Variants in C3orf20 observed in about 807,000 individuals in gnomAD.
The protein encoded by C3orf20 is uncharacterized protein C3orf20.
A neutral mutation model predicts 88.3 loss-of-function variants in C3orf20; 76 were observed. The observed-to-expected ratio is 0.86, with a 90% CI of 0.72 to 1.04. C3orf20 has a LOEUF of 1.04. Ranked by LOEUF, C3orf20 falls within the 50% of genes least tolerant of loss-of-function variation. The probability of loss-of-function intolerance (pLI) is 0.00; values close to 1 mark genes in which losing one functional copy is unlikely to be tolerated. For missense variants in C3orf20, 1,056 were observed against 1,123.3 expected, an observed-to-expected ratio of 0.94 and a Z score of 0.86; for synonymous variants, 436 against 437.4, an observed-to-expected ratio of 1.00 and a Z score of 0.04.
At chr3:14,712,362 A>G (rs894811353) in intron 7 of C3orf20, among the ~76,000 whole-genome samples, 9 of 152,152 alleles carry the variant, frequency 5.9e-5, no homozygotes, top group Non-Finnish European at 1.2e-4. Flanking sequence ...AACCCTGTTG[A>G]CACCTTGATC....
intron 13 of C3orf20, among the ~76,000 whole-genome samples, chr3:14,758,400 C>T (rs532675734): frequency 6.6e-6 from 1 of 152,204 alleles, no homozygotes; most frequent in African/African-American, 2.4e-5. Context: ...GGAACCCACT[C>T]CTGCCTACTC....
At chr3:14,762,818 T>C (rs926784542) in intron 15 of C3orf20, among the ~76,000 whole-genome samples, 1 of 152,162 alleles carries the variant, frequency 6.6e-6, no homozygotes, top group African/African-American at 2.4e-5. Context: ...CTAGGAGTCT[T>C]ATGCCCTTCT....
chr3:14,675,449 T>G (rs1194575431), intron 1 of C3orf20, among the ~76,000 whole-genome samples, 197 bp downstream of exon 1: 1 of 152,126 alleles, frequency 6.6e-6, no homozygotes, highest in Non-Finnish European at 1.5e-5. Context: ...TGGGTGTAGG[T>G]CATTGTCTAG....
At chr3:14,692,550 A>C (rs116816315) in intron 5 of C3orf20, among the ~76,000 whole-genome samples, 7,468 of 152,214 alleles carry the variant, frequency 0.049, 221 homozygotes, top group South Asian at 0.14. Context: ...TCTTTTTTTG[A>C]GAAGAATGAG....
rs183896323 is a variant in C3orf20 at position 14,734,179 on chromosome 3, C to T, written c.1940+5491C>T. Among the ~76,000 whole-genome samples the T allele has an allele frequency of 5.3e-5, 8 of 152,132 alleles. No homozygotes were observed. In the East Asian group the frequency reaches 7.7e-4, roughly 15 times the overall value. On this transcript the variant is annotated intron_variant, in intron 12 of 16. Coordinates refer to ENST00000253697, the MANE Select transcript of C3orf20 (RefSeq NM_032137.5). ...TTTTAATTGTGTTGATCTTCTTATA[C>T]GTTTGTCTTATTACTTTATTAACTT...
chr3:14,685,128 A>C (rs893986026), intron 4 of C3orf20, among the ~76,000 whole-genome samples: 3 of 152,268 alleles, frequency 2.0e-5, no homozygotes, highest in African/African-American at 7.2e-5. Flanking sequence ...CCATTTAGAC[A>C]GTGGGACATA....
intron 12 of C3orf20, among the ~76,000 whole-genome samples, chr3:14,730,207 A>G (rs1252421211): frequency 6.6e-6 from 1 of 152,186 alleles, no homozygotes; most frequent in Admixed American, 6.5e-5. Context: ...AGATTTGTGC[A>G]TGTTGTTATG....
chr3:14,760,538 A>G (rs543961231), intron 14 of C3orf20, among the ~76,000 whole-genome samples: 1 of 150,890 alleles, frequency 6.6e-6, no homozygotes, highest in East Asian at 1.9e-4. Context: ...AAATACCATG[A>G]GCATTTCCCC....
chr3:14,720,231 C>T lies in C3orf20; in HGVS notation c.1435-1422C>T, dbSNP rs1230578503. ...ATATTTAGTAGAGACGGGGTTTCAC[C>T]GTATTAGCCAGGATGGTCTCGATCT... On this transcript the variant is annotated intron_variant, in intron 9 of 16. Coordinates refer to ENST00000253697, the MANE Select transcript of C3orf20 (RefSeq NM_032137.5). Among the ~76,000 whole-genome samples the T allele has an allele frequency of 4.6e-5, 7 of 152,054 alleles. No individual in the cohort carries two copies. The East Asian group carries it at 9.6e-4, about 21-fold the overall frequency.
chr3:14,744,133 C>T (rs1458270617), intron 12 of C3orf20, among the ~76,000 whole-genome samples: 1 of 151,974 alleles, frequency 6.6e-6, no homozygotes, highest in African/African-American at 2.4e-5. Context: ...GCTCTGCTTC[C>T]CTTATAAAAC....
chr3:14,728,780 T>C (rs1575132695), intron 12 of C3orf20, 92 bp downstream of exon 12: 8 of 1,301,028 alleles, frequency 6.1e-6, no homozygotes, highest in Non-Finnish European at 7.4e-6. Flanking sequence ...GGCCCCTCTC[T>C]TTTGGAGCTT....
rs750778781 is a variant in C3orf20 at position 14,757,714 on chromosome 3, G to A, written c.2244+40G>A. On this transcript the variant is annotated intron_variant, in intron 13 of 16. Coordinates refer to ENST00000253697, the MANE Select transcript of C3orf20 (RefSeq NM_032137.5). ...AGTGAGGAGGCCCTGGAGGCCAGGGGCAGGGGTAGTGGGGCAGTCCGAGAA... is the reference window on the plus strand; with the variant it reads ...AGTGAGGAGGCCCTGGAGGCCAGGGACAGGGGTAGTGGGGCAGTCCGAGAA... 7.9e-5 allele frequency: 125 copies of A among 1,576,452 alleles called. No individual in the cohort carries two copies. In the Middle Eastern group the frequency reaches 1.0e-3, roughly 13 times the overall value.
chr3:14,710,957 A>C (rs1482346305), intron 7 of C3orf20, among the ~76,000 whole-genome samples: 1 of 150,880 alleles, frequency 6.6e-6, no homozygotes, highest in Non-Finnish European at 1.5e-5. Flanking sequence ...GCAGTGGCGC[A>C]ATCTTGGCTG....
chr3:14,758,093 C>A (rs1364767435), intron 13 of C3orf20, among the ~76,000 whole-genome samples: 1 of 152,174 alleles, frequency 6.6e-6, no homozygotes, highest in Non-Finnish European at 1.5e-5. Context: ...GGACCGGGCC[C>A]TGGGCACCCA....
intron 7 of C3orf20, among the ~76,000 whole-genome samples, chr3:14,705,295 T>C (rs1476244844): frequency 6.6e-6 from 1 of 152,274 alleles, no homozygotes; most frequent in African/African-American, 2.4e-5. Context: ...TTACCTGTGA[T>C]TGCAGGGCAT....
At chr3:14,740,508 T>A (rs184495814) in intron 12 of C3orf20, among the ~76,000 whole-genome samples, 1 of 152,296 alleles carries the variant, frequency 6.6e-6, no homozygotes, top group Admixed American at 6.5e-5. Flanking sequence ...TTACCAAATG[T>A]GACACAGAGA....
At chr3:14,719,762 C>T (rs1039696683) in intron 9 of C3orf20, among the ~76,000 whole-genome samples, 2 of 152,200 alleles carry the variant, frequency 1.3e-5, no homozygotes, top group Admixed American at 6.5e-5. Context: ...ATGAAATCTG[C>T]TGAAATTGAC....
At chr3:14,722,808 A>G (rs934218839) in intron 10 of C3orf20, among the ~76,000 whole-genome samples, 1 of 152,240 alleles carries the variant, frequency 6.6e-6, no homozygotes, top group African/African-American at 2.4e-5. Context: ...GTGGGTCATC[A>G]TGGATCCTAC....
intron 5 of C3orf20, among the ~76,000 whole-genome samples, chr3:14,690,958 C>T (rs754744203): frequency 1.4e-4 from 22 of 152,230 alleles, no homozygotes; most frequent in African/African-American, 3.6e-4. Context: ...CTGTTTGACC[C>T]GCCTTCCTCA....
Sources: gnomAD v4.1 joint callset for allele counts (sites outside exome capture counted in the v4.1 genomes callset) on GRCh38, gnomAD v4.1.1 for gene constraint, MANE v1.5 for transcripts, NCBI Gene and HGNC (gene_info 2026-07-23, HGNC 2026-07-21) for gene names.